Variants in SEPTIN9 observed in about 807,000 individuals in gnomAD.
SEPTIN9 encodes the protein septin-9.
Under a neutral mutation model 56.6 loss-of-function variants are expected in SEPTIN9, and 13 were observed. The ratio of observed to expected loss-of-function variants is 0.23; its 90% CI spans 0.15 to 0.37. The LOEUF is 0.37. Ranked by LOEUF, SEPTIN9 falls within the 10% of genes least tolerant of loss-of-function variation. The probability of loss-of-function intolerance (pLI) is 1.00; values close to 1 mark genes in which losing one functional copy is unlikely to be tolerated. For missense variants in SEPTIN9, 650 were observed against 823.1 expected, an observed-to-expected ratio of 0.79 and a Z score of 2.57; for synonymous variants, 332 against 334.1, an observed-to-expected ratio of 0.99 and a Z score of 0.07.
rs759356724 is a variant in SEPTIN9, at chr17:77,475,714, C to T, written c.722-6430C>T. 12 of 1,613,356 alleles carry T rather than the reference C, an allele frequency of 7.4e-6. No homozygotes were observed. Among genetic ancestry groups the T allele is most frequent in the Non-Finnish European group, 1.0e-5 (12 of 1,179,874 alleles). ...GGGTGGATGGAGGCAAGGAAGTCTTCGCCGGGGCAAGGGCACCAGCTGTAG... is the reference window on the plus strand; with the variant it reads ...GGGTGGATGGAGGCAAGGAAGTCTTTGCCGGGGCAAGGGCACCAGCTGTAG... On this transcript the variant is annotated intron_variant, in intron 3 of 11. Transcript: ENST00000427177. The surrounding 1 kb of genome is among the most constrained non-coding windows in gnomAD (Gnocchi z 4.6).
chr17:77,303,742 A>G (rs1325918468), intron 1 of SEPTIN9, among the ~76,000 whole-genome samples: 5 of 152,066 alleles, frequency 3.3e-5, no homozygotes, highest in African/African-American at 4.8e-5. Context: ...ATTTTGTGCC[A>G]GGCACTGTGC....
intron 3 of SEPTIN9, among the ~76,000 whole-genome samples, chr17:77,455,847 T>G (rs72896181): frequency 0.033 from 4,993 of 152,308 alleles, 138 homozygotes; most frequent in South Asian, 0.1. Flanking sequence ...TGTGAGGCTA[T>G]CCCGAGACAG....
intron 3 of SEPTIN9, among the ~76,000 whole-genome samples, chr17:77,409,780 C>T (rs1398770686): frequency 2.0e-5 from 3 of 152,228 alleles, no homozygotes; most frequent in East Asian, 1.9e-4. Flanking sequence ...CGGAGGGGCG[C>T]GCCGCGGCCA....
intron 4 of SEPTIN9, chr17:77,482,915 C>G (rs1325058550): frequency 4.0e-6 from 1 of 248,714 alleles, no homozygotes; most frequent in Non-Finnish European, 7.8e-6. Flanking sequence ...CCAAAGCCCC[C>G]CAGGTCCCAT....
chr17:77,489,361 G>A (rs73377531), intron 7 of SEPTIN9, among the ~76,000 whole-genome samples: 2,303 of 152,290 alleles, frequency 0.015, 32 homozygotes, highest in South Asian at 0.036. Context: ...TCCTCCCGCC[G>A]GCTCTGTCCG....
intron 2 of SEPTIN9, among the ~76,000 whole-genome samples, chr17:77,365,741 G>T (rs760634332): frequency 1.3e-5 from 2 of 152,208 alleles, no homozygotes; most frequent in Non-Finnish European, 2.9e-5. Flanking sequence ...GGCCTTACGG[G>T]ATGGGCAGAG....
chr17:77,462,309 A>G (rs2038512827), intron 3 of SEPTIN9, among the ~76,000 whole-genome samples: 1 of 151,336 alleles, frequency 6.6e-6, no homozygotes, highest in African/African-American at 2.4e-5. Flanking sequence ...TGGCCCGATC[A>G]CGGCTCACTG....
intron 3 of SEPTIN9, among the ~76,000 whole-genome samples, chr17:77,443,070 C>A (rs2037609016): frequency 1.3e-5 from 2 of 151,640 alleles, no homozygotes; most frequent in African/African-American, 2.4e-5. Context: ...GCCTGTATAC[C>A]ATCTTAATAG....
Position 77,321,035 on chromosome 17 carries a change from C to T in SEPTIN9, c.76+13838C>T, listed in dbSNP as rs80134996. Among the ~76,000 whole-genome samples, 17 of 152,386 alleles carry T rather than the reference C, an allele frequency of 1.1e-4. No homozygotes were observed. The East Asian group carries it at 3.3e-3, about 29-fold the overall frequency. ...CTTTCCAGGCCCTCCCTCCCAGGCCCAGCCTCCTTGGTCCCTTCACTCACA... is the reference window on the plus strand; with the variant it reads ...CTTTCCAGGCCCTCCCTCCCAGGCCTAGCCTCCTTGGTCCCTTCACTCACA... On this transcript the variant is annotated intron_variant, in intron 2 of 11. Transcript: ENST00000427177.
rs759390776 is a variant in SEPTIN9, at chr17:77,492,519, G to C, written c.1381-102G>C. ...CCCCCCAGAGCCTGCCCTTGAACCC[G>C]AGCCTGGGGCAGCACACAGTGTGGA... On this transcript the variant is annotated intron_variant, in intron 8 of 11. Coordinates refer to ENST00000427177, the MANE Select transcript of SEPTIN9 (RefSeq NM_001113491.2). This position sits in a 1 kb window ranked among gnomAD's most constrained non-coding sequence, Gnocchi z 5.4. The C allele has an allele frequency of 1.9e-6, 2 of 1,068,418 alleles. No homozygotes were observed. The highest frequency in any genetic ancestry group is 2.9e-6 in the Non-Finnish European group (2 of 684,500). The allele number at this position is 1,068,418 out of a possible 1,614,324, so 66.2% of individuals were successfully genotyped here.
Position 77,318,267 on chromosome 17 carries a change from C to T in SEPTIN9, c.76+11070C>T, listed in dbSNP as rs1415035261. 6.6e-6 allele frequency among the ~76,000 whole-genome samples: 1 copy of T among 151,812 alleles called. No homozygotes were observed. Among genetic ancestry groups the T allele is most frequent in the African/African-American group, 2.4e-5 (1 of 41,308 alleles). ...GGCTGCATGGCCCTTACCTTCAACA[C>T]CAGCATCTACAGATCTCTCCGGGCC... On this transcript the variant is annotated intron_variant, in intron 2 of 11. Transcript: ENST00000427177. This position sits in a 1 kb window ranked among gnomAD's most constrained non-coding sequence, Gnocchi z 4.9.
intron 2 of SEPTIN9, among the ~76,000 whole-genome samples, chr17:77,360,915 CTTT>C (rs34718935): frequency 5.5e-3 from 424 of 76,788 alleles, no homozygotes; most frequent in African/African-American, 0.018. Flanking sequence ...GTCTTTCATC[CTTT>C]TTTTTTTTTT....
chr17:77,327,193 C>T lies in SEPTIN9; in HGVS notation c.76+19996C>T, dbSNP rs555505808. On this transcript the variant is annotated intron_variant, in intron 2 of 11. Coordinates refer to ENST00000427177, the MANE Select transcript of SEPTIN9 (RefSeq NM_001113491.2). This position sits in a 1 kb window ranked among gnomAD's most constrained non-coding sequence, Gnocchi z 5.0. ...CTCTCCTGGGCTCCTGGGACCCCTC[C>T]GGCCCCACCACCCCTCCTGTAGTGG... 1.3e-5 allele frequency among the ~76,000 whole-genome samples: 2 copies of T among 152,234 alleles called. No individual in the cohort carries two copies. Among genetic ancestry groups the T allele is most frequent in the South Asian group, 4.1e-4 (2 of 4,820 alleles).
chr17:77,486,669 A>T (rs929750490), intron 4 of SEPTIN9, among the ~76,000 whole-genome samples: 1 of 151,672 alleles, frequency 6.6e-6, no homozygotes, highest in African/African-American at 2.4e-5. Context: ...AGGTGTGTGT[A>T]TGAGGTGTAT....
intron 3 of SEPTIN9, among the ~76,000 whole-genome samples, chr17:77,457,335 C>T (rs1481713007): frequency 6.6e-6 from 1 of 152,162 alleles, no homozygotes; most frequent in Non-Finnish European, 1.5e-5. Flanking sequence ...GACCATGCCT[C>T]GGGACCTCAC....
At chr17:77,353,897 TG>T (rs1382168317) in intron 2 of SEPTIN9, among the ~76,000 whole-genome samples, 1 of 152,182 alleles carries the variant, frequency 6.6e-6, no homozygotes, top group Non-Finnish European at 1.5e-5. Flanking sequence ...TGCATGTGTG[TG>T]CACACATGTA....
In SEPTIN9 at chr17:77,318,748, C is replaced by T. The variant is rs148908433; in HGVS notation, c.76+11551C>T. Among the ~76,000 whole-genome samples the T allele has an allele frequency of 1.9e-4, 29 of 152,208 alleles. No individual in the cohort carries two copies. Among genetic ancestry groups the T allele is most frequent in the Admixed American group, 5.9e-4 (9 of 15,298 alleles). On this transcript the variant is annotated intron_variant, in intron 2 of 11. Transcript: ENST00000427177. This position sits in a 1 kb window ranked among gnomAD's most constrained non-coding sequence, Gnocchi z 4.9. The stretch of plus-strand genomic sequence containing the variant: ...GGTCCTATCCCAGGCAGAGAGCGGA[C>T]GGGACTGTGGCCTGAAGTGGCACTT...
chr17:77,291,043 T>TTG (rs2031524335), intron 1 of SEPTIN9, among the ~76,000 whole-genome samples: 1 of 143,510 alleles, frequency 7.0e-6, no homozygotes, highest in Non-Finnish European at 1.5e-5. Flanking sequence ...TTTTTTTTTT[T>TTG]TTTTTTTTTT....
At chr17:77,344,710 G>A (rs952489344) in intron 2 of SEPTIN9, among the ~76,000 whole-genome samples, 20 of 152,192 alleles carry the variant, frequency 1.3e-4, no homozygotes, top group East Asian at 3.8e-4. Flanking sequence ...GGTGGCTCAC[G>A]CCTGTAATCC....
Sources: gnomAD v4.1 joint callset for allele counts (sites outside exome capture counted in the v4.1 genomes callset) on GRCh38, gnomAD v4.1.1 for gene constraint, Gnocchi (gnomAD v3.1) non-coding constraint, MANE v1.5 for transcripts, NCBI Gene and HGNC (gene_info 2026-07-23, HGNC 2026-07-21) for gene names.